JAM3: variants seen among roughly 807,000 people sequenced by gnomAD.
JAM3 encodes junctional adhesion molecule C.
JAM3 carries 31 observed loss-of-function variants against 39.4 expected under a neutral mutation model. That is an observed-to-expected ratio of 0.79 (90% confidence interval 0.59 to 1.06). JAM3 has a LOEUF of 1.06. Ranked by LOEUF, JAM3 falls within the 50% of genes least tolerant of loss-of-function variation. JAM3 has a pLI of 0.00. For missense variants in JAM3, 455 were observed against 391.4 expected (o/e 1.16, Z -1.37); for synonymous variants, 182 against 148.7 (o/e 1.22, Z -1.63).
Position 134,148,684 on chromosome 11 carries a change from T to C in JAM3, c.842+8T>C. 1 of 1,614,138 alleles carries C rather than the reference T, an allele frequency of 6.2e-7. No individual in the cohort carries two copies. The highest frequency in any genetic ancestry group is 8.5e-7 in the Non-Finnish European group (1 of 1,180,034). On this transcript the variant is annotated splice_region_variant and intron_variant, in intron 7 of 8. Coordinates refer to ENST00000299106, the MANE Select transcript of JAM3 (RefSeq NM_032801.5). ...TAAACAGGATGGAGAAAGGTGAGCC[T>C]GCCTTATGTGAAAAAAGGGAAGTTC...
intron 1 of JAM3, among the ~76,000 whole-genome samples, chr11:134,075,243 T>C (rs575850481): frequency 2.9e-4 from 44 of 152,146 alleles, no homozygotes; most frequent in Middle Eastern, 3.2e-3. Flanking sequence ...GAGCACTTAC[T>C]CTCTCTGGGC....
intron 1 of JAM3, among the ~76,000 whole-genome samples, chr11:134,097,603 T>C (rs1942005849): frequency 1.3e-5 from 2 of 152,118 alleles, no homozygotes; most frequent in South Asian, 2.1e-4. Context: ...TTTCTACTAA[T>C]GGAGAAGGGA....
chr11:134,095,712 A>T (rs631156), intron 1 of JAM3, among the ~76,000 whole-genome samples: 19,665 of 152,150 alleles, frequency 0.13, 1,696 homozygotes, highest in East Asian at 0.3. Context: ...TTAAAGCACT[A>T]CGGAAGTACT....
intron 1 of JAM3, among the ~76,000 whole-genome samples, chr11:134,113,711 A>T (rs1256929073): frequency 6.6e-6 from 1 of 152,192 alleles, no homozygotes; most frequent in African/African-American, 2.4e-5. Context: ...TATACCCAGT[A>T]ATGGGATGGC....
rs569302486 is a variant in JAM3 at position 134,108,510 on chromosome 11, A to C, written c.77-31341A>C. 2.0e-5 allele frequency among the ~76,000 whole-genome samples: 3 copies of C among 152,356 alleles called. No individual in the cohort carries two copies. The South Asian group carries it at 6.2e-4, about 32-fold the overall frequency. On this transcript the variant is annotated intron_variant, in intron 1 of 8. Coordinates refer to ENST00000299106, the MANE Select transcript of JAM3 (RefSeq NM_032801.5). ...ACAGGCCAATTTCCCTCGTGAACAT[A>C]GATGCAAAAATTTCAAACAAAATCT...
chr11:134,135,768 T>G (rs1441033228), intron 1 of JAM3, among the ~76,000 whole-genome samples: 1 of 151,994 alleles, frequency 6.6e-6, no homozygotes, highest in African/African-American at 2.4e-5. Context: ...TAATAAGAGA[T>G]AAATAAAAGC....
intron 1 of JAM3, among the ~76,000 whole-genome samples, chr11:134,075,620 T>C (rs952741069): frequency 3.9e-5 from 6 of 152,108 alleles, no homozygotes; most frequent in Admixed American, 1.3e-4. Flanking sequence ...AGAAACAAGG[T>C]CTTACTATGT....
chr11:134,099,221 A>C (rs1942033755), intron 1 of JAM3, among the ~76,000 whole-genome samples: 1 of 152,032 alleles, frequency 6.6e-6, no homozygotes, highest in African/African-American at 2.4e-5. Context: ...AATAAAAATA[A>C]TACTACCAGG....
At chr11:134,087,242 A>G (rs995530166) in intron 1 of JAM3, among the ~76,000 whole-genome samples, 6 of 152,164 alleles carry the variant, frequency 3.9e-5, no homozygotes, top group Admixed American at 2.6e-4. Context: ...CTTTTTTTGC[A>G]TATTAGGAAA....
At chr11:134,142,479 T>G (rs1022357393) in intron 3 of JAM3, among the ~76,000 whole-genome samples, 5 of 152,242 alleles carry the variant, frequency 3.3e-5, no homozygotes, top group African/African-American at 1.2e-4. Flanking sequence ...GCCCTTCATG[T>G]CCTTGTCAGC....
intron 1 of JAM3, among the ~76,000 whole-genome samples, chr11:134,117,065 A>C (rs1161104713): frequency 1.3e-5 from 2 of 151,952 alleles, no homozygotes; most frequent in Non-Finnish European, 2.9e-5. Context: ...GAAACTTAAA[A>C]AAAAAACAAT....
intron 1 of JAM3, among the ~76,000 whole-genome samples, chr11:134,109,991 C>G (rs1007561277): frequency 6.6e-6 from 1 of 152,172 alleles, no homozygotes; most frequent in East Asian, 1.9e-4. Context: ...ACATTGCTTT[C>G]ACTCTAAAAT....
intron 1 of JAM3, among the ~76,000 whole-genome samples, chr11:134,104,785 C>A (rs966299564): frequency 1.3e-5 from 2 of 152,096 alleles, no homozygotes; most frequent in Admixed American, 1.3e-4. Flanking sequence ...GACACATACA[C>A]CCTCCCAAGA....
rs1591812874 is a variant in JAM3, at chr11:134,150,655, GTTTGTTTAA to G, written c.*1477_*1485del. The G allele has an allele frequency of 6.6e-6, 1 of 151,150 alleles. No individual in the cohort carries two copies. Among genetic ancestry groups the G allele is most frequent in the East Asian group, 1.9e-4 (1 of 5,192 alleles). 9.4% of individuals were successfully genotyped at this position (151,150 alleles called of 1,614,324 possible). A position where few individuals can be genotyped will look rare whatever the true frequency, so the allele number is the denominator to read the frequency against. On this transcript the variant is annotated 3_prime_UTR_variant, in exon 9 of 9. Coordinates refer to ENST00000299106, the MANE Select transcript of JAM3 (RefSeq NM_032801.5). The stretch of plus-strand genomic sequence containing the variant: ...CCCCAATGCTATTTTTTTTTTTTAA[GTTTGTTTAA>G]TTATTTGTTAAGATTGTCTAAGGCC...
intron 1 of JAM3, 115 bp downstream of exon 1, chr11:134,069,274 C>T: frequency 1.4e-6 from 2 of 1,396,712 alleles, no homozygotes; most frequent in Non-Finnish European, 9.7e-7. Context: ...GCTCCGAGGG[C>T]TCCCGGGGTC....
In JAM3 at chr11:134,149,268, C is replaced by T; in HGVS notation, c.*87C>T. 1.3e-6 allele frequency: 2 copies of T among 1,507,222 alleles called. No homozygotes were observed. Among genetic ancestry groups the T allele is most frequent in the African/African-American group, 1.4e-5 (1 of 73,020 alleles). The allele number at this position is 1,507,222 out of a possible 1,614,324, so 93.4% of individuals were successfully genotyped here. A position where few individuals can be genotyped will look rare whatever the true frequency, so the allele number is the denominator to read the frequency against. ...TGTCAAGGCAGCGAGAGCTGATGCA[C>T]TCGGACAGAGCTAGACACTCATTCA... On this transcript the variant is annotated 3_prime_UTR_variant, in exon 9 of 9. Transcript: ENST00000299106.
At chr11:134,145,860 G>T (rs1278970432) in intron 5 of JAM3, 86 bp from the exon 6 acceptor site, 2 of 868,148 alleles carry the variant, frequency 2.3e-6, no homozygotes, top group Non-Finnish European at 2.0e-6. Context: ...AGCAGGTGTC[G>T]ACCTAGTTCT....
chr11:134,140,681 C>A lies in JAM3; in HGVS notation c.167C>A (p.Thr56Lys). The change falls in exon 3 of 9, where the codon ACG (threonine) becomes AAG (lysine). Residue 56 changes from threonine to lysine, a missense_variant. Thr to Lys is a moderately conservative substitution (Grantham distance 78). Coordinates refer to ENST00000299106, the MANE Select transcript of JAM3 (RefSeq NM_032801.5). ...GGTGTGGAACTGTCTTGCATCATTA[C>A]GGATTCGCAGACAAGTGACCCCAGG... ...FESVELSCIITDSQTSDPRIE... is the reference protein window; with the variant it reads ...FESVELSCIIKDSQTSDPRIE... 6.2e-7 allele frequency: 1 copy of A among 1,613,358 alleles called. No individual in the cohort carries two copies. The highest frequency in any genetic ancestry group is 8.5e-7 in the Non-Finnish European group (1 of 1,179,624).
chr11:134,077,938 C>T (rs889215383), intron 1 of JAM3, among the ~76,000 whole-genome samples: 4 of 152,028 alleles, frequency 2.6e-5, no homozygotes, highest in African/African-American at 7.2e-5. Context: ...AGGCGTGAGG[C>T]ACCGCGCCCG....
Sources: gnomAD v4.1 joint callset for allele counts (sites outside exome capture counted in the v4.1 genomes callset) on GRCh38, gnomAD v4.1.1 for gene constraint, MANE v1.5 for transcripts, NCBI Gene and HGNC (gene_info 2026-07-23, HGNC 2026-07-21) for gene names.